SLC25A48: variants seen among roughly 807,000 people sequenced by gnomAD.
SLC25A48 encodes CTC-321K16.1.
SLC25A48 carries 29 observed loss-of-function variants against 32.2 expected under a neutral mutation model. That is an observed-to-expected ratio of 0.90 (90% confidence interval 0.67 to 1.23). The LOEUF is 1.23. Ranked by LOEUF, SLC25A48 falls within the 50% of genes most tolerant of loss-of-function variation. The probability of loss-of-function intolerance (pLI) is 0.00; values close to 1 mark genes in which losing one functional copy is unlikely to be tolerated. For missense variants in SLC25A48, 399 were observed against 422.7 expected (o/e 0.94, Z 0.49); for synonymous variants, 164 against 172.3 (o/e 0.95, Z 0.38).
intron 3 of SLC25A48, among the ~76,000 whole-genome samples, chr5:135,683,455 T>C (rs976083681): frequency 9.2e-5 from 14 of 152,236 alleles, no homozygotes; most frequent in African/African-American, 2.7e-4. Context: ...CCCTGATCCC[T>C]CTTGGCATGT....
At chr5:135,717,258 C>T (rs1177328767) in intron 3 of SLC25A48, among the ~76,000 whole-genome samples, 4 of 152,210 alleles carry the variant, frequency 2.6e-5, no homozygotes, top group Non-Finnish European at 4.4e-5. Flanking sequence ...CTGCTTCTTG[C>T]GGTCACAGAC....
chr5:135,670,487 A>G (rs1434992710), intron 3 of SLC25A48, among the ~76,000 whole-genome samples: 4 of 152,206 alleles, frequency 2.6e-5, no homozygotes, highest in African/African-American at 7.2e-5. Flanking sequence ...GCTCTGGTAG[A>G]GTCCTGGTTC....
rs143067227 is a variant in SLC25A48, at chr5:135,636,498, G to A, written c.-521+1542G>A. ...ATGTTTGTGGTTTGCTATTTTTGGT[G>A]TCCCTGCTATGGAAAGGGACCAGTT... On this transcript the variant is annotated intron_variant, in intron 3 of 10. Coordinates refer to the SLC25A48 transcript ENST00000646290. 2.5e-3 allele frequency among the ~76,000 whole-genome samples: 386 copies of A among 152,308 alleles called. 3 individuals carry two copies. The highest frequency in any genetic ancestry group is 7.5e-3 in the African/African-American group (313 of 41,580).
intron 3 of SLC25A48, among the ~76,000 whole-genome samples, chr5:135,674,032 G>A: frequency 6.6e-6 from 1 of 151,774 alleles, no homozygotes; most frequent in Admixed American, 6.6e-5. Flanking sequence ...CACATGTGTG[G>A]TTGGTCTATA....
intron 7 of SLC25A48, chr5:135,883,366 C>T: frequency 1.0e-6 from 1 of 985,456 alleles, no homozygotes; most frequent in South Asian, 4.7e-5. Context: ...TAGACCCTCC[C>T]CCCATGGCCA....
At chr5:135,663,301 G>A (rs185048801) in intron 3 of SLC25A48, among the ~76,000 whole-genome samples, 1 of 152,296 alleles carries the variant, frequency 6.6e-6, no homozygotes, top group East Asian at 1.9e-4. Context: ...GAGTTTCTCA[G>A]CCTTGGCATG....
chr5:135,864,087 C>T (rs1761010203), intron 4 of SLC25A48, among the ~76,000 whole-genome samples: 1 of 152,108 alleles, frequency 6.6e-6, no homozygotes, highest in Non-Finnish European at 1.5e-5. Context: ...CTGGACATGA[C>T]AAGAGCAGAC....
intron 3 of SLC25A48, among the ~76,000 whole-genome samples, chr5:135,774,746 A>ACCC (rs35193298): frequency 2.7e-5 from 4 of 150,382 alleles, no homozygotes; most frequent in African/African-American, 9.8e-5. Flanking sequence ...GGGAGTGTAC[A>ACCC]CCCCCCCCGT....
At chr5:135,839,689 C>T (rs1758830013) in intron 1 of SLC25A48, among the ~76,000 whole-genome samples, 1 of 152,100 alleles carries the variant, frequency 6.6e-6, no homozygotes, top group Non-Finnish European at 1.5e-5. Flanking sequence ...TGTGTCCTCA[C>T]CCAAATCTCG....
At chr5:135,690,138 G>T (rs1295482320) in intron 3 of SLC25A48, among the ~76,000 whole-genome samples, 1 of 152,156 alleles carries the variant, frequency 6.6e-6, no homozygotes, top group Non-Finnish European at 1.5e-5. Flanking sequence ...ACCAAGACAA[G>T]TTGGTCACCC....
At chr5:135,602,777 C>G (rs557693957) in intron 1 of SLC25A48, among the ~76,000 whole-genome samples, 1 of 152,122 alleles carries the variant, frequency 6.6e-6, no homozygotes, top group Non-Finnish European at 1.5e-5. Flanking sequence ...CCCCACCCCA[C>G]GACAGGCCCT....
intron 3 of SLC25A48, among the ~76,000 whole-genome samples, chr5:135,698,196 G>A (rs1754311442): frequency 6.6e-6 from 1 of 152,248 alleles, no homozygotes; most frequent in Non-Finnish European, 1.5e-5. Flanking sequence ...GTCTCCTAAT[G>A]GTCACCATAA....
intron 4 of SLC25A48, among the ~76,000 whole-genome samples, chr5:135,867,948 C>A (rs1413019121): frequency 6.6e-6 from 1 of 152,154 alleles, no homozygotes; most frequent in Non-Finnish European, 1.5e-5. Context: ...AGTTGTTTTA[C>A]CTTGAAAATC....
intron 3 of SLC25A48, among the ~76,000 whole-genome samples, chr5:135,804,435 G>A (rs55942298): frequency 6.6e-6 from 1 of 151,486 alleles, no homozygotes; most frequent in African/African-American, 2.4e-5. Flanking sequence ...CGCTGTGTGT[G>A]TGTGTACACC....
At chr5:135,765,616 G>T (rs1177643484) in intron 3 of SLC25A48, among the ~76,000 whole-genome samples, 1 of 151,548 alleles carries the variant, frequency 6.6e-6, no homozygotes, top group Non-Finnish European at 1.5e-5. Flanking sequence ...CCTGTGATGT[G>T]ATTCATAATA....
chr5:135,871,970 C>G (rs1035393631), intron 5 of SLC25A48: 13 of 1,387,008 alleles, frequency 9.4e-6, no homozygotes, highest in Middle Eastern at 1.9e-4. Flanking sequence ...AACACATACT[C>G]TGTGTCAGGC....
chr5:135,863,875 G>A (rs1311712331), intron 4 of SLC25A48, among the ~76,000 whole-genome samples: 1 of 152,180 alleles, frequency 6.6e-6, no homozygotes, highest in Non-Finnish European at 1.5e-5. Flanking sequence ...GAGACAGAGG[G>A]CAATGGAGAA....
At chr5:135,597,488 C>T (rs1470407694) in intron 1 of SLC25A48, among the ~76,000 whole-genome samples, 1 of 152,232 alleles carries the variant, frequency 6.6e-6, no homozygotes, top group African/African-American at 2.4e-5. Flanking sequence ...ACTGCACTTG[C>T]TCTTGCAGTT....
intron 3 of SLC25A48, among the ~76,000 whole-genome samples, chr5:135,679,337 C>T (rs1481148678): frequency 6.6e-5 from 10 of 152,150 alleles, no homozygotes; most frequent in Non-Finnish European, 7.4e-5. Context: ...GACAGCATGT[C>T]TGGGCACTGC....
Sources: allele counts gnomAD v4.1 joint callset (sites outside exome capture counted in the v4.1 genomes callset), GRCh38; gene constraint gnomAD v4.1.1; transcripts MANE v1.5; gene names NCBI Gene and HGNC (gene_info 2026-07-23, HGNC 2026-07-21).